TENM3: variants seen among roughly 807,000 people sequenced by gnomAD.
The protein encoded by TENM3 is teneurin-3.
Under a neutral mutation model 255.1 loss-of-function variants are expected in TENM3, and 63 were observed. That is an observed-to-expected ratio of 0.25 (90% confidence interval 0.20 to 0.30). The LOEUF (loss-of-function observed/expected upper bound fraction) is 0.30. Among genes scored for constraint, TENM3 ranks in the 10% least tolerant of loss-of-function variants. TENM3 has a pLI of 1.00. For missense variants in TENM3, 2,929 were observed against 3,461.1 expected (o/e 0.85, Z 3.86); for synonymous variants, 1,306 against 1,322.3 (o/e 0.99, Z 0.27).
intron 3 of TENM3, among the ~76,000 whole-genome samples, chr4:182,521,171 G>A (rs1738527076): frequency 6.6e-6 from 1 of 152,156 alleles, no homozygotes; most frequent in African/African-American, 2.4e-5. Context: ...ATGAAAGGAA[G>A]TATCATGCAC....
At chr4:182,303,296 T>G (rs1761950516) in intron 1 of TENM3, among the ~76,000 whole-genome samples, 1 of 152,226 alleles carries the variant, frequency 6.6e-6, no homozygotes, top group Non-Finnish European at 1.5e-5. Flanking sequence ...CCTTCTCAAC[T>G]GTGTGATTTC....
chr4:182,237,759 T>G (rs1319291543), intron 1 of TENM3, among the ~76,000 whole-genome samples: 1 of 152,234 alleles, frequency 6.6e-6, no homozygotes, highest in African/African-American at 2.4e-5. Context: ...ATAAAACTCA[T>G]GAATATTCAA....
At chr4:181,837,192 C>G in the TENM3 span, among the ~76,000 whole-genome samples, 1 of 151,866 alleles carries the variant, frequency 6.6e-6, no homozygotes, top group Non-Finnish European at 1.5e-5. Context: ...ATTTTTTCCT[C>G]CCCAATTTTT....
the TENM3 span, among the ~76,000 whole-genome samples, chr4:181,497,545 C>G: frequency 5.3e-5 from 8 of 152,044 alleles, no homozygotes; most frequent in Non-Finnish European, 1.0e-4. Flanking sequence ...ATTGTAATGC[C>G]TGAATAAAGT....
chr4:182,020,434 AAGGATAAAAAAGTTACAACTAGAT>A, the TENM3 span, among the ~76,000 whole-genome samples: 12 of 152,248 alleles, frequency 7.9e-5, 1 homozygote, highest in African/African-American at 1.4e-4. Context: ...AGATTGGTTA[AAGGATAAAAAAGTTACAACTAGAT>A]AGGAGGAATA....
chr4:182,032,585 G>T, the TENM3 span, among the ~76,000 whole-genome samples: 2 of 152,130 alleles, frequency 1.3e-5, no homozygotes, highest in Non-Finnish European at 2.9e-5. Flanking sequence ...TTAGGAAGGA[G>T]TCTCTCTTTT....
chr4:181,788,236 C>G, the TENM3 span, among the ~76,000 whole-genome samples: 1 of 152,076 alleles, frequency 6.6e-6, no homozygotes, highest in Non-Finnish European at 1.5e-5. Context: ...TTATCATCAT[C>G]CCTTATTTGC....
At chr4:181,556,225 C>T in the TENM3 span, among the ~76,000 whole-genome samples, 28 of 152,040 alleles carry the variant, frequency 1.8e-4, no homozygotes, top group African/African-American at 5.3e-4. Context: ...AGAACTTCCA[C>T]GACTTTTGTC....
chr4:181,766,600 T>C, the TENM3 span, among the ~76,000 whole-genome samples: 1 of 151,954 alleles, frequency 6.6e-6, no homozygotes, highest in Non-Finnish European at 1.5e-5. Context: ...TGGAAATATG[T>C]GTAGTGTACC....
At chr4:182,387,131 A>T (rs528076738) in intron 3 of TENM3, among the ~76,000 whole-genome samples, 1 of 152,310 alleles carries the variant, frequency 6.6e-6, no homozygotes, top group Non-Finnish European at 1.5e-5. Flanking sequence ...CCCTGTATCT[A>T]GCTGCTCTGG....
At position 182,799,316 on chromosome 4, in the gene TENM3, A is replaced by G. The variant is rs2152839533; in HGVS notation, c.7345-280A>G. Among the ~76,000 whole-genome samples the G allele has an allele frequency of 6.6e-6, 1 of 152,332 alleles. No homozygotes were observed. Among genetic ancestry groups the G allele is most frequent in the Non-Finnish European group, 1.5e-5 (1 of 68,032 alleles). ...AGAGCATCTAGAAACTGTAAGAGAA[A>G]AGCAAGAAACAGGACTATTTTTCCC... is the stretch of plus-strand genomic sequence containing the variant. On this transcript the variant is annotated intron_variant, in intron 27 of 27. Transcript: ENST00000511685. The surrounding 1 kb of genome is among the most constrained non-coding windows in gnomAD (Gnocchi z 4.2).
At chr4:182,594,686 GT>G (rs1560976740) in intron 3 of TENM3, among the ~76,000 whole-genome samples, 22 of 4,918 alleles carry the variant, frequency 4.5e-3, no homozygotes, top group Non-Finnish European at 3.7e-3. Context: ...TTGTTTTGGT[GT>G]GTGTGTGTGT....
chr4:181,634,100 G>A, the TENM3 span, among the ~76,000 whole-genome samples: 1 of 152,148 alleles, frequency 6.6e-6, no homozygotes, highest in Non-Finnish European at 1.5e-5. Context: ...TCTCATGCAG[G>A]TAACAAATAT....
chr4:182,542,042 G>T (rs891281897), intron 3 of TENM3, among the ~76,000 whole-genome samples: 1 of 152,024 alleles, frequency 6.6e-6, no homozygotes, highest in Non-Finnish European at 1.5e-5. Context: ...CAGCCTGGGC[G>T]ACACAGACTC....
intron 13 of TENM3, among the ~76,000 whole-genome samples, chr4:182,725,835 A>C (rs1489316107): frequency 6.6e-6 from 1 of 151,670 alleles, no homozygotes; most frequent in Admixed American, 6.6e-5. Context: ...ACGGGGTTTC[A>C]CCATGTTGGC....
At chr4:182,751,761 G>A (rs1762387199) in intron 19 of TENM3, 39 bp from the exon 20 acceptor site, 1 of 1,448,384 alleles carries the variant, frequency 6.9e-7, no homozygotes, top group South Asian at 1.1e-5. Context: ...TGTATTAGGA[G>A]TAACTCCCTT....
intron 3 of TENM3, among the ~76,000 whole-genome samples, chr4:182,473,565 C>T (rs948660575): frequency 4.2e-4 from 64 of 152,008 alleles, no homozygotes; most frequent in African/African-American, 1.3e-3. Context: ...CCCAGCTACT[C>T]GGGAGGCTGA....
At chr4:181,715,587 A>G in the TENM3 span, among the ~76,000 whole-genome samples, 1 of 152,244 alleles carries the variant, frequency 6.6e-6, no homozygotes, top group Non-Finnish European at 1.5e-5. Flanking sequence ...AGTAACTACA[A>G]TTAGGCTGAA....
chr4:181,564,099 G>C, the TENM3 span, among the ~76,000 whole-genome samples: 1 of 135,468 alleles, frequency 7.4e-6, no homozygotes, highest in South Asian at 2.3e-4. Context: ...GGAGTGCACT[G>C]GCAGGATCTC....
Sources: allele counts gnomAD v4.1 joint callset (sites outside exome capture counted in the v4.1 genomes callset), GRCh38; gene constraint gnomAD v4.1.1; non-coding constraint Gnocchi (gnomAD v3.1); transcripts MANE v1.5; gene names NCBI Gene and HGNC (gene_info 2026-07-23, HGNC 2026-07-21).